Variants in PPM1E observed in about 807,000 individuals in gnomAD.
PPM1E encodes the protein protein phosphatase, Mg2+/Mn2+ dependent 1E, also known as protein phosphatase 1E.
A neutral mutation model predicts 65.9 loss-of-function variants in PPM1E; 20 were observed. That is an observed-to-expected ratio of 0.30 (90% CI 0.21 to 0.44). The LOEUF (loss-of-function observed/expected upper bound fraction) is 0.44, where lower values mean the gene tolerates loss of function less well. PPM1E is among the 20% of genes least tolerant of loss of function. The pLI is 1.00. For missense variants in PPM1E, 713 were observed against 953.1 expected, an observed-to-expected ratio of 0.75 and a Z score of 3.32; for synonymous variants, 352 against 374.9, an observed-to-expected ratio of 0.94 and a Z score of 0.70.
At chr17:58,778,185 C>T (rs1048792611) in intron 1 of PPM1E, among the ~76,000 whole-genome samples, 4 of 151,930 alleles carry the variant, frequency 2.6e-5, no homozygotes, top group Non-Finnish European at 5.9e-5. Flanking sequence ...CTGCAAACTC[C>T]GCCTGGCAGG....
At chr17:58,871,649 T>C (rs1227114100) in intron 1 of PPM1E, among the ~76,000 whole-genome samples, 2 of 151,876 alleles carry the variant, frequency 1.3e-5, no homozygotes, top group South Asian at 4.2e-4. Flanking sequence ...ACTCCGTCTC[T>C]ACAAACAATA....
At chr17:58,962,215 C>T (rs1340778301) in intron 2 of PPM1E, among the ~76,000 whole-genome samples, 1 of 148,746 alleles carries the variant, frequency 6.7e-6, no homozygotes, top group East Asian at 2.0e-4. Flanking sequence ...ACCTGGGAGG[C>T]GGAGGTTGTG....
At chr17:58,972,316 T>G (rs542641891) in intron 5 of PPM1E, 41 bp downstream of exon 5, 1 of 1,561,344 alleles carries the variant, frequency 6.4e-7, no homozygotes, top group East Asian at 2.3e-5. Context: ...GCTCTAGTTA[T>G]TAGTTTAGAT....
intron 1 of PPM1E, among the ~76,000 whole-genome samples, chr17:58,864,844 G>A (rs2050982603): frequency 1.3e-5 from 2 of 151,916 alleles, no homozygotes; most frequent in South Asian, 4.2e-4. Flanking sequence ...GCTGAGGCAG[G>A]ATAATTGCTT....
At chr17:58,854,388 G>T (rs983770913) in intron 1 of PPM1E, among the ~76,000 whole-genome samples, 1 of 152,062 alleles carries the variant, frequency 6.6e-6, no homozygotes, top group African/African-American at 2.4e-5. Context: ...TTGCCAATTT[G>T]GATGGCTTTT....
At chr17:58,789,210 A>G (rs1454352078) in intron 1 of PPM1E, among the ~76,000 whole-genome samples, 1 of 152,218 alleles carries the variant, frequency 6.6e-6, no homozygotes, top group African/African-American at 2.4e-5. Flanking sequence ...CCGTAATTCT[A>G]AGAACATAAG....
intron 1 of PPM1E, among the ~76,000 whole-genome samples, chr17:58,867,767 TA>T (rs1173798555): frequency 2.6e-5 from 4 of 152,212 alleles, no homozygotes; most frequent in Non-Finnish European, 4.4e-5. Flanking sequence ...CTTCTAATTC[TA>T]AATACACTTC....
At chr17:58,946,054 T>G (rs2052146248) in intron 1 of PPM1E, among the ~76,000 whole-genome samples, 1 of 152,126 alleles carries the variant, frequency 6.6e-6, no homozygotes, top group South Asian at 2.1e-4. Context: ...GGCCTCTTAT[T>G]ATGGGTTGAT....
At chr17:58,974,615 A>G (rs2030880685) in intron 6 of PPM1E, among the ~76,000 whole-genome samples, 1 of 152,208 alleles carries the variant, frequency 6.6e-6, no homozygotes, top group South Asian at 2.1e-4. Context: ...ATCAATATGT[A>G]TATCTATATG....
intron 1 of PPM1E, among the ~76,000 whole-genome samples, chr17:58,861,688 G>A (rs1362704140): frequency 2.0e-5 from 3 of 152,168 alleles, no homozygotes. Flanking sequence ...CACTTGGGGA[G>A]GCTGAGGTGG....
chr17:58,907,638 A>G (rs1451897966), intron 1 of PPM1E, among the ~76,000 whole-genome samples: 1 of 152,150 alleles, frequency 6.6e-6, no homozygotes, highest in African/African-American at 2.4e-5. Context: ...TTGTTGTTCT[A>G]CCAGTTTTTG....
At chr17:58,836,950 G>A (rs1020339763) in intron 1 of PPM1E, among the ~76,000 whole-genome samples, 6 of 148,234 alleles carry the variant, frequency 4.0e-5, no homozygotes, top group African/African-American at 1.5e-4. Flanking sequence ...AACCCGGGAG[G>A]CGGAGCTTGC....
At chr17:58,774,928 C>G (rs2049979112) in intron 1 of PPM1E, among the ~76,000 whole-genome samples, 1 of 151,872 alleles carries the variant, frequency 6.6e-6, no homozygotes, top group Non-Finnish European at 1.5e-5. Context: ...TCTCGGCTCA[C>G]TGCAACCTCT....
intron 1 of PPM1E, among the ~76,000 whole-genome samples, chr17:58,919,209 G>A (rs1187150619): frequency 6.6e-6 from 1 of 152,126 alleles, no homozygotes; most frequent in Non-Finnish European, 1.5e-5. Flanking sequence ...GTGAGAGAAG[G>A]AAGAAAACCA....
intron 1 of PPM1E, among the ~76,000 whole-genome samples, chr17:58,854,161 G>A (rs1598611631): frequency 6.6e-6 from 1 of 151,660 alleles, no homozygotes; most frequent in South Asian, 2.1e-4. Context: ...ATTCTTTTTG[G>A]TGCTACTATA....
At chr17:58,894,707 C>T (rs1598635103) in intron 1 of PPM1E, among the ~76,000 whole-genome samples, 1 of 152,186 alleles carries the variant, frequency 6.6e-6, no homozygotes, top group Admixed American at 6.5e-5. Flanking sequence ...CACACATACA[C>T]ACATTATTTA....
chr17:58,895,289 T>C (rs114311325), intron 1 of PPM1E, among the ~76,000 whole-genome samples: 2,943 of 152,274 alleles, frequency 0.019, 93 homozygotes, highest in African/African-American at 0.067. Flanking sequence ...CTATTGAAAT[T>C]AGGCCAGTTA....
At chr17:58,765,137 A>G (rs938886168) in intron 1 of PPM1E, among the ~76,000 whole-genome samples, 1 of 148,696 alleles carries the variant, frequency 6.7e-6, no homozygotes, top group African/African-American at 2.5e-5. Flanking sequence ...CTTATTACTG[A>G]TTAGCATTCC....
At chr17:58,947,340 G>A (rs1476282416) in intron 1 of PPM1E, among the ~76,000 whole-genome samples, 2 of 148,130 alleles carry the variant, frequency 1.4e-5, no homozygotes, top group Non-Finnish European at 3.0e-5. Flanking sequence ...GGGTTCAGGC[G>A]ATTCTCATGC....
Sources: gnomAD v4.1 joint callset for allele counts (sites outside exome capture counted in the v4.1 genomes callset) on GRCh38, gnomAD v4.1.1 for gene constraint, MANE v1.5 for transcripts, NCBI Gene and HGNC (gene_info 2026-07-23, HGNC 2026-07-21) for gene names.